Variants in TFEC observed in about 807,000 individuals in gnomAD.
The protein encoded by TFEC is class E basic helix-loop-helix protein 34.
Under a neutral mutation model 41.6 loss-of-function variants are expected in TFEC, and 31 were observed. The observed-to-expected ratio is 0.74, with a 90% confidence interval of 0.56 to 1.01. TFEC has a LOEUF of 1.01. TFEC is among the 50% of genes least tolerant of loss of function. The probability of loss-of-function intolerance (pLI) is 0.00; values close to 1 mark genes in which losing one functional copy is unlikely to be tolerated. For missense variants in TFEC, 402 were observed against 404.1 expected, an observed-to-expected ratio of 0.99 and a Z score of 0.04; for synonymous variants, 143 against 140.6, an observed-to-expected ratio of 1.02 and a Z score of -0.12.
intron 3 of TFEC, among the ~76,000 whole-genome samples, chr7:116,095,846 C>T (rs1797441818): frequency 6.6e-6 from 1 of 152,032 alleles, no homozygotes; most frequent in South Asian, 2.1e-4. Flanking sequence ...ATCCACTACT[C>T]TCAACCCTTC....
intron 3 of TFEC, among the ~76,000 whole-genome samples, chr7:116,093,205 T>A (rs1166230527): frequency 6.6e-6 from 1 of 152,062 alleles, no homozygotes; most frequent in Non-Finnish European, 1.5e-5. Flanking sequence ...GAAACCATGG[T>A]AAGACACGTG....
chr7:116,079,994 T>C (rs562970830), intron 3 of TFEC, among the ~76,000 whole-genome samples: 1 of 152,158 alleles, frequency 6.6e-6, no homozygotes, highest in South Asian at 2.1e-4. Flanking sequence ...CATAGACCAA[T>C]GGAACAGAAT....
chr7:116,069,014 G>C (rs1796760976), intron 3 of TFEC, among the ~76,000 whole-genome samples: 1 of 151,576 alleles, frequency 6.6e-6, no homozygotes, highest in South Asian at 2.1e-4. Context: ...TTTAAGATTT[G>C]TCAAATTTAG....
At chr7:115,964,814 G>A (rs551300754) in intron 3 of TFEC, among the ~76,000 whole-genome samples, 1 of 151,640 alleles carries the variant, frequency 6.6e-6, no homozygotes, top group South Asian at 2.1e-4. Context: ...TATGTTTACA[G>A]TATCAGTCTA....
At chr7:115,945,816 A>G (rs910163534) in intron 6 of TFEC, among the ~76,000 whole-genome samples, 3 of 151,772 alleles carry the variant, frequency 2.0e-5, no homozygotes, top group Non-Finnish European at 2.9e-5. Context: ...TAGACAAACT[A>G]CGGCCCATAG....
At position 116,093,365 on chromosome 7, in the gene TFEC, G is replaced by C. The variant is rs78880740; in HGVS notation, c.198+17343C>G. Among the ~76,000 whole-genome samples, 4 of 152,204 alleles carry C rather than the reference G, an allele frequency of 2.6e-5. No individual in the cohort carries two copies. In the South Asian group the frequency reaches 6.2e-4, roughly 24 times the overall value. Reference sequence around the variant, plus strand: ...ACATATGAGAAAGAAGGATCATAAAGGCACAGGACAACAAAATGGGCAAGA... The same window carrying C: ...ACATATGAGAAAGAAGGATCATAAACGCACAGGACAACAAAATGGGCAAGA... On this transcript the variant is annotated intron_variant, in intron 3 of 8. Coordinates refer to the TFEC transcript ENST00000484212.
intron 1 of TFEC, among the ~76,000 whole-genome samples, chr7:116,013,599 T>C (rs1204811230): frequency 6.6e-6 from 1 of 152,126 alleles, no homozygotes; most frequent in Non-Finnish European, 1.5e-5. Context: ...TTATCAGACT[T>C]GTTCACAATC....
chr7:115,995,054 G>A (rs1324630091), intron 1 of TFEC, among the ~76,000 whole-genome samples: 1 of 152,012 alleles, frequency 6.6e-6, no homozygotes, highest in Non-Finnish European at 1.5e-5. Context: ...GTAGGGACAT[G>A]GATGAAGCTG....
At chr7:116,046,591 G>C (rs1245338908) in intron 3 of TFEC, among the ~76,000 whole-genome samples, 2 of 152,070 alleles carry the variant, frequency 1.3e-5, no homozygotes, top group Non-Finnish European at 2.9e-5. Context: ...AACCTACAAT[G>C]CTACAAAATT....
At chr7:116,041,003 C>A (rs1796023325) in intron 3 of TFEC, among the ~76,000 whole-genome samples, 1 of 152,100 alleles carries the variant, frequency 6.6e-6, no homozygotes, top group African/African-American at 2.4e-5. Context: ...AATATTAACA[C>A]CTAATTTCCC....
At chr7:116,038,546 A>G (rs1383881593) in intron 3 of TFEC, among the ~76,000 whole-genome samples, 1 of 152,054 alleles carries the variant, frequency 6.6e-6, no homozygotes, top group Admixed American at 6.6e-5. Context: ...ATTATGTATG[A>G]AATTTCAAAA....
intron 1 of TFEC, among the ~76,000 whole-genome samples, chr7:116,135,230 T>TGG (rs1798411782): frequency 6.6e-6 from 1 of 152,112 alleles, no homozygotes; most frequent in South Asian, 2.1e-4. Flanking sequence ...ATATAATCCA[T>TGG]GTTAAAGCTC....
chr7:115,989,410 T>C (rs1242876609), intron 1 of TFEC, among the ~76,000 whole-genome samples: 1 of 152,090 alleles, frequency 6.6e-6, no homozygotes, highest in African/African-American at 2.4e-5. Flanking sequence ...AGACAGTGGG[T>C]GCAGCCCACG....
At chr7:116,150,995 A>C (rs748774149) in intron 1 of TFEC, among the ~76,000 whole-genome samples, 1 of 152,170 alleles carries the variant, frequency 6.6e-6, no homozygotes, top group Non-Finnish European at 1.5e-5. Flanking sequence ...TGAATTCTAA[A>C]CATAATTTAA....
intron 5 of TFEC, among the ~76,000 whole-genome samples, chr7:115,953,628 C>A (rs1792064256): frequency 6.6e-6 from 1 of 151,984 alleles, no homozygotes; most frequent in Middle Eastern, 3.2e-3. Flanking sequence ...CTTCTCTCAA[C>A]CATTAGCTCT....
At chr7:116,126,221 AAAATAAAAC>A (rs1386403082) in intron 1 of TFEC, among the ~76,000 whole-genome samples, 2 of 152,206 alleles carry the variant, frequency 1.3e-5, no homozygotes, top group African/African-American at 4.8e-5. Flanking sequence ...TGATAACCTC[AAAATAAAAC>A]AATATCTTTT....
intron 3 of TFEC, among the ~76,000 whole-genome samples, chr7:116,077,478 A>T (rs1451472090): frequency 6.6e-6 from 1 of 152,142 alleles, no homozygotes; most frequent in African/African-American, 2.4e-5. Flanking sequence ...AAAATACAGA[A>T]TGGCTGAACG....
chr7:115,957,944 T>C (rs1792321670), intron 3 of TFEC, among the ~76,000 whole-genome samples: 1 of 151,906 alleles, frequency 6.6e-6, no homozygotes, highest in African/African-American at 2.4e-5. Flanking sequence ...AAATGTTGTA[T>C]ATACCTGAGG....
intron 1 of TFEC, among the ~76,000 whole-genome samples, chr7:116,146,358 CATT>C (rs1485667799): frequency 1.3e-5 from 2 of 152,124 alleles, no homozygotes; most frequent in African/African-American, 4.8e-5. Context: ...GAAAAAAGAG[CATT>C]ATTGTCAGTG....
Sources: gnomAD v4.1 joint callset for allele counts (sites outside exome capture counted in the v4.1 genomes callset) on GRCh38, gnomAD v4.1.1 for gene constraint, MANE v1.5 for transcripts, NCBI Gene and HGNC (gene_info 2026-07-23, HGNC 2026-07-21) for gene names.